The following NRIP2 variants were observed in gnomAD, a reference collection of about 807,000 sequenced individuals.
The protein encoded by NRIP2 is nuclear receptor-interacting protein 2.
Under a neutral mutation model 34.1 loss-of-function variants are expected in NRIP2, and 27 were observed. The ratio of observed to expected loss-of-function variants is 0.79; its 90% CI spans 0.58 to 1.09. The LOEUF (loss-of-function observed/expected upper bound fraction) is 1.09, where lower values mean the gene tolerates loss of function less well. NRIP2 is among the 50% of genes least tolerant of loss of function. NRIP2 has a pLI of 0.00. For synonymous variants in NRIP2, 145 were observed against 146.9 expected (o/e 0.99, Z 0.09); for missense variants, 385 against 352.6 (o/e 1.09, Z -0.74).
At chr12:2,830,573 T>C in intron 2 of NRIP2, 135 bp downstream of exon 2, 2 of 908,260 alleles carry the variant, frequency 2.2e-6, no homozygotes, top group Non-Finnish European at 3.3e-6. Context: ...AGGATCCTGG[T>C]TAGGTCCAGG....
At chr12:2,830,564 G>A (rs768735531) in intron 2 of NRIP2, 144 bp downstream of exon 2, 6 of 808,882 alleles carry the variant, frequency 7.4e-6, no homozygotes, top group Non-Finnish European at 1.1e-5. Context: ...AGGAGGTAGA[G>A]GATCCTGGTT....
Position 2,826,839 on chromosome 12 carries a change from G to A in NRIP2, c.*368C>T. ...GTGTGGGAAGTTGAGTTGTGTTTGG[G>A]GTGGTATTGGGTGATGGACAAGGAC... On this transcript the variant is annotated 3_prime_UTR_variant, in exon 6 of 6. Transcript: ENST00000337508. The A allele has an allele frequency of 3.1e-6, 1 of 325,770 alleles. No homozygotes were observed. Among genetic ancestry groups the A allele is most frequent in the Non-Finnish European group, 5.2e-6 (1 of 192,848 alleles). The allele number at this position is 325,770 out of a possible 1,614,324, so 20.2% of individuals were successfully genotyped here.
Position 2,834,640 on chromosome 12 carries a change from A to C in NRIP2, c.342+2T>G, listed in dbSNP as rs2098019132. On this transcript the variant is annotated splice_donor_variant, in intron 1 of 5. Transcript: ENST00000337508. LOFTEE classifies it high-confidence loss of function. The stretch of plus-strand genomic sequence containing the variant: ...GCTGGCAGGGGAGGGGTGATGCCTC[A>C]CCAAGTCCTTGGAGGTGCCGAGCCT... 1 of 1,584,306 alleles carries C rather than the reference A, an allele frequency of 6.3e-7. No individual in the cohort carries two copies. The highest frequency in any genetic ancestry group is 1.4e-5 in the African/African-American group (1 of 73,982).
At chr12:2,829,336 G>A (rs534696590) in intron 2 of NRIP2, among the ~76,000 whole-genome samples, 2 of 152,306 alleles carry the variant, frequency 1.3e-5, no homozygotes, top group Admixed American at 6.5e-5. Context: ...CACACACATC[G>A]TTTTCTCATT....
rs1170400589 is a variant in NRIP2 at position 2,834,890 on chromosome 12, C to G, written c.94G>C (p.Glu32Gln). 18 of 1,613,780 alleles carry G rather than the reference C, an allele frequency of 1.1e-5. No homozygotes were observed. The highest frequency in any genetic ancestry group is 1.2e-5 in the Non-Finnish European group (14 of 1,180,000). The change falls in exon 1 of 6, where the codon GAG becomes CAG. Residue 32 changes from glutamate (E) to glutamine (Q), a missense_variant. Transcript: ENST00000337508. ...TGQRQAGRSR[E>Q]DSVTPPPSSP... ...CTCGGTGGGGGCGTCACCGAGTCCT[C>G]TCTGCTTCTTCCTGCCTGTCTCTGT...
At position 2,834,904 on chromosome 12, in the gene NRIP2, G is replaced by A. The variant is rs1231833627; in HGVS notation, c.80C>T (p.Ala27Val). ...CACCGAGTCCTCTCTGCTTCTTCCTGCCTGTCTCTGTCCCGTGCTGCAGCT... is the reference window on the plus strand; with the variant it reads ...CACCGAGTCCTCTCTGCTTCTTCCTACCTGTCTCTGTCCCGTGCTGCAGCT... The part of the protein sequence containing the change: ...KESCSTGQRQ[A>V]GRSREDSVTP... The change falls in exon 1 of 6, where the codon GCA becomes GTA. Residue 27 changes from alanine (A) to valine (V), a missense_variant. Ala to Val is a moderately conservative substitution (Grantham distance 64). Coordinates refer to ENST00000337508, the MANE Select transcript of NRIP2 (RefSeq NM_031474.3). 1.2e-6 allele frequency: 2 copies of A among 1,613,804 alleles called. No individual in the cohort carries two copies. The highest frequency in any genetic ancestry group is 1.7e-6 in the Non-Finnish European group (2 of 1,179,952).
At chr12:2,828,144 A>T in intron 3 of NRIP2, 97 bp from the exon 4 acceptor site, 2 of 1,277,570 alleles carry the variant, frequency 1.6e-6, no homozygotes, top group Non-Finnish European at 2.2e-6. Flanking sequence ...TTTCATCTCC[A>T]ACCCCTGACC....
At chr12:2,828,536 C>G in intron 2 of NRIP2, 122 bp from the exon 3 acceptor site, 1 of 809,578 alleles carries the variant, frequency 1.2e-6, no homozygotes, top group Middle Eastern at 2.9e-4. Context: ...AATGAACTGT[C>G]TTTAAAACTG....
rs772333441 is a variant in NRIP2, at chr12:2,834,914, G to C, written c.70C>G (p.Gln24Glu). Residue 24 changes from glutamine (Q) to glutamate (E), a missense_variant, in exon 1 of 6, where the codon CAG (glutamine) becomes GAG (glutamate). Transcript: ENST00000337508. ...TCTCTGCTTCTTCCTGCCTGTCTCT[G>C]TCCCGTGCTGCAGCTCTCTTTCCAA... is the stretch of plus-strand genomic sequence containing the variant. The part of the protein sequence containing the change: ...SCWKESCSTG[Q>E]RQAGRSREDS... 1.2e-6 allele frequency: 2 copies of C among 1,613,586 alleles called. No homozygotes were observed. The highest frequency in any genetic ancestry group is 2.7e-5 in the African/African-American group (2 of 74,902).
Position 2,826,947 on chromosome 12 carries a change from G to T in NRIP2, c.*260C>A. The stretch of plus-strand genomic sequence containing the variant: ...CTATCTGTGGTCTTGATTTGGCTTT[G>T]CTTTTCTTGGGAGGAAGATGAATCA... On this transcript the variant is annotated 3_prime_UTR_variant, in exon 6 of 6. Transcript: ENST00000337508. 1 of 1,298,584 alleles carries T rather than the reference G, an allele frequency of 7.7e-7. No individual in the cohort carries two copies. The highest frequency in any genetic ancestry group is 9.8e-7 in the Non-Finnish European group (1 of 1,020,314). 80.4% of individuals were successfully genotyped at this position (1,298,584 alleles called of 1,614,324 possible). A position where few individuals can be genotyped will look rare whatever the true frequency, so the allele number is the denominator to read the frequency against.
intron 2 of NRIP2, chr12:2,830,314 G>T (rs866997372): frequency 6.3e-6 from 1 of 159,176 alleles, no homozygotes; most frequent in Non-Finnish European, 1.4e-5. Flanking sequence ...AATTTATTGC[G>T]AATGTTCAAT....
At chr12:2,829,616 A>G (rs556917263) in intron 2 of NRIP2, among the ~76,000 whole-genome samples, 2 of 151,662 alleles carry the variant, frequency 1.3e-5, no homozygotes, top group Non-Finnish European at 2.9e-5. Context: ...ACAAAAAAAG[A>G]ATTAGCCAGC....
chr12:2,827,138 C>T lies in NRIP2; in HGVS notation c.*69G>A, dbSNP rs551561556. ...GTCCCCAGCTACCTGGCTTCAAGAG[C>T]CCCCGTTCCCCACACGCCTCTTCTT... On this transcript the variant is annotated 3_prime_UTR_variant, in exon 6 of 6. Transcript: ENST00000337508. This position sits in a 1 kb window ranked among gnomAD's most constrained non-coding sequence, Gnocchi z 4.0. The T allele has an allele frequency of 5.0e-6, 8 of 1,605,886 alleles. No homozygotes were observed. The highest frequency in any genetic ancestry group is 1.7e-5 in the Admixed American group (1 of 58,648).
chr12:2,834,562 TG>T, intron 1 of NRIP2, 79 bp downstream of exon 1: 1 of 1,507,900 alleles, frequency 6.6e-7, no homozygotes, highest in Non-Finnish European at 8.8e-7. Flanking sequence ...CTGCACTTTC[TG>T]GTCCTGCCTC....
intron 1 of NRIP2, among the ~76,000 whole-genome samples, chr12:2,834,036 T>C (rs2098016128): frequency 6.6e-6 from 1 of 152,102 alleles, no homozygotes; most frequent in Non-Finnish European, 1.5e-5. Context: ...CCCTGCCCCA[T>C]TCCTCTGAGG....
rs1256389410 is a variant in NRIP2, at chr12:2,828,364, A to G, written c.546T>C (p.Asn182=). Residue 182 remains asparagine (N), a synonymous_variant, in exon 3 of 6, where the codon AAT becomes AAC. Coordinates refer to ENST00000337508, the MANE Select transcript of NRIP2 (RefSeq NM_031474.3). The part of the protein sequence containing the change: ...RVAVDTGTQY[N]RISAGCLSRL... ...GGCTGAGACATCCAGCAGAGATCCG[A>G]TTGTATTGGGTGCCTGTGTCAACGG... 2 of 1,613,958 alleles carry G rather than the reference A, an allele frequency of 1.2e-6. No homozygotes were observed. Among genetic ancestry groups the G allele is most frequent in the African/African-American group, 1.3e-5 (1 of 74,866 alleles).
At chr12:2,832,913 A>G (rs2098010698) in intron 1 of NRIP2, among the ~76,000 whole-genome samples, 1 of 151,728 alleles carries the variant, frequency 6.6e-6, no homozygotes. Context: ...CAGTAGACCC[A>G]GTGCTGGGAA....
chr12:2,830,994 C>G (rs2097999865), intron 1 of NRIP2, 134 bp from the exon 2 acceptor site: 1 of 852,788 alleles, frequency 1.2e-6, no homozygotes, highest in African/African-American at 1.7e-5. Context: ...GGAGTTTACC[C>G]TAGGGTCCCA....
intron 2 of NRIP2, among the ~76,000 whole-genome samples, chr12:2,829,970 AG>A (rs1313872526): frequency 7.3e-6 from 1 of 136,264 alleles, no homozygotes; most frequent in Non-Finnish European, 1.6e-5. Flanking sequence ...CCAGCTACTT[AG>A]GAGGCTGAGG....
Sources: allele counts gnomAD v4.1 joint callset (sites outside exome capture counted in the v4.1 genomes callset), GRCh38; gene constraint gnomAD v4.1.1; non-coding constraint Gnocchi (gnomAD v3.1); transcripts MANE v1.5; gene names NCBI Gene and HGNC (gene_info 2026-07-23, HGNC 2026-07-21).